FAM117A: variants seen among roughly 807,000 people sequenced by gnomAD.
The protein encoded by FAM117A is protein FAM117A.
In FAM117A, 21 loss-of-function variants were observed where a neutral mutation model predicts 44.1. The ratio of observed to expected loss-of-function variants is 0.48; its 90% CI spans 0.34 to 0.69. FAM117A has a LOEUF of 0.69. Among genes scored for constraint, FAM117A ranks in the 30% least tolerant of loss-of-function variants. The pLI is 0.01. For synonymous variants in FAM117A, 220 were observed against 238.3 expected (o/e 0.92, Z 0.71); for missense variants, 498 against 589.9 (o/e 0.84, Z 1.61).
chr17:49,754,708 A>G (rs1252501659), intron 1 of FAM117A, among the ~76,000 whole-genome samples: 1 of 151,598 alleles, frequency 6.6e-6, no homozygotes, highest in Non-Finnish European at 1.5e-5. Context: ...TCACATTTTC[A>G]CTCTGTTCAA....
chr17:49,786,533 TTGGGAGGCTGAGGCGGG>T lies in FAM117A; in HGVS notation c.-621+1947_-621+1963del, dbSNP rs2073806359. Among the ~76,000 whole-genome samples, 3 of 151,904 alleles carry T rather than the reference TTGGGAGGCTGAGGCGGG, an allele frequency of 2.0e-5. No homozygotes were observed. The South Asian group carries it at 6.2e-4, about 32-fold the overall frequency. On this transcript the variant is annotated intron_variant, in intron 1 of 7. Transcript: ENST00000513602. Reference sequence around the variant, plus strand: ...GGCTCACACCTGTAATCCCAGCACTTTGGGAGGCTGAGGCGGGTGGATCACCTGAGGTCAGGAGTTCA... The same window carrying T: ...GGCTCACACCTGTAATCCCAGCACTTTGGATCACCTGAGGTCAGGAGTTCA...
chr17:49,754,593 C>T (rs1598031927), intron 1 of FAM117A, among the ~76,000 whole-genome samples: 1 of 151,848 alleles, frequency 6.6e-6, no homozygotes, highest in Non-Finnish European at 1.5e-5. Context: ...CGTGAGCCAC[C>T]GTGCCCGGCC....
chr17:49,754,298 A>C (rs1304690137), intron 1 of FAM117A, among the ~76,000 whole-genome samples: 1 of 150,358 alleles, frequency 6.7e-6, no homozygotes, highest in Admixed American at 6.6e-5. Context: ...TGCACAGAGC[A>C]CAGCAAACTC....
At chr17:49,774,519 C>T (rs866928838) in intron 1 of FAM117A, among the ~76,000 whole-genome samples, 1 of 152,078 alleles carries the variant, frequency 6.6e-6, no homozygotes, top group African/African-American at 2.4e-5. Context: ...ACCATCATGC[C>T]CAGCTAATTT....
chr17:49,747,719 T>C (rs1192337241), intron 1 of FAM117A, among the ~76,000 whole-genome samples: 1 of 152,108 alleles, frequency 6.6e-6, no homozygotes. Flanking sequence ...CAACATCCCA[T>C]CTAGTGGTTC....
At chr17:49,717,785 G>C in intron 5 of FAM117A, 71 bp from the exon 6 acceptor site, 1 of 1,287,808 alleles carries the variant, frequency 7.8e-7, no homozygotes, top group South Asian at 1.5e-5. Flanking sequence ...GTGACCCCAA[G>C]GGTATTTCCC....
chr17:49,782,376 CAAAAAAAAA>C (rs1193854249), intron 1 of FAM117A, among the ~76,000 whole-genome samples: 1 of 18,102 alleles, frequency 5.5e-5, no homozygotes, highest in Non-Finnish European at 1.1e-4. Context: ...GACTCCGTCT[CAAAAAAAAA>C]AAAAAAAAAA....
intron 2 of FAM117A, among the ~76,000 whole-genome samples, chr17:49,723,244 A>T (rs2073543733): frequency 6.6e-6 from 1 of 152,068 alleles, no homozygotes; most frequent in Admixed American, 6.5e-5. Flanking sequence ...CACAGTTCTG[A>T]ATCCAGCCCT....
rs531408927 is a variant in FAM117A, at chr17:49,745,306, T to C, written c.197-12586A>G. On this transcript the variant is annotated intron_variant, in intron 1 of 7. Coordinates refer to ENST00000240364, the MANE Select transcript of FAM117A (RefSeq NM_030802.4). The stretch of plus-strand genomic sequence containing the variant: ...TCATGTCAACACTCACATCTATTAG[T>C]GTTAATTCAGAACTGGCTTTATGCA... Among the ~76,000 whole-genome samples the C allele has an allele frequency of 4.6e-5, 7 of 152,324 alleles. No homozygotes were observed. In the East Asian group the frequency reaches 1.2e-3, roughly 25 times the overall value.
chr17:49,716,444 A>C (rs2073503976), intron 6 of FAM117A, 129 bp from the exon 7 acceptor site: 1 of 732,268 alleles, frequency 1.4e-6, no homozygotes, highest in African/African-American at 1.8e-5. Flanking sequence ...GGGTGTGCTT[A>C]TCCAGTGTGA....
At chr17:49,750,917 A>T (rs1468628251) in intron 1 of FAM117A, among the ~76,000 whole-genome samples, 1 of 152,244 alleles carries the variant, frequency 6.6e-6, no homozygotes, top group East Asian at 1.9e-4. Flanking sequence ...CAGCTTTATC[A>T]TACAGAAGCA....
intron 1 of FAM117A, among the ~76,000 whole-genome samples, chr17:49,787,646 T>A (rs903690994): frequency 1.3e-5 from 2 of 152,250 alleles, no homozygotes; most frequent in Non-Finnish European, 2.9e-5. Context: ...CCAGTCGCAA[T>A]TGGTCAAGAC....
chr17:49,761,028 A>G (rs2073720621), intron 1 of FAM117A, among the ~76,000 whole-genome samples: 1 of 152,192 alleles, frequency 6.6e-6, no homozygotes, highest in African/African-American at 2.4e-5. Context: ...ATGGTTGCAG[A>G]AGGCAAATCC....
intron 1 of FAM117A, among the ~76,000 whole-genome samples, chr17:49,740,081 T>C (rs1344540902): frequency 3.3e-5 from 5 of 152,182 alleles, no homozygotes; most frequent in African/African-American, 1.2e-4. Flanking sequence ...TACACTAGGA[T>C]GGCTTTAGAG....
intron 5 of FAM117A, among the ~76,000 whole-genome samples, chr17:49,719,064 C>A (rs901986798): frequency 1.3e-5 from 2 of 151,664 alleles, no homozygotes. Context: ...GAGTTCAAGA[C>A]CAGCCTGGCA....
upstream of FAM117A, chr17:49,788,990 A>G (rs2073846004): frequency 2.8e-6 from 2 of 706,652 alleles, no homozygotes; most frequent in Admixed American, 4.0e-5. Flanking sequence ...TCTTCTGTCC[A>G]TACCCAACAG....
chr17:49,773,734 T>G (rs1162145835), intron 1 of FAM117A, among the ~76,000 whole-genome samples: 1 of 152,058 alleles, frequency 6.6e-6, no homozygotes, highest in Non-Finnish European at 1.5e-5. Flanking sequence ...CCCATAATAA[T>G]TTTGTAGTAG....
chr17:49,715,338 C>A (rs1015814399), intron 7 of FAM117A, among the ~76,000 whole-genome samples: 1 of 152,318 alleles, frequency 6.6e-6, no homozygotes, highest in South Asian at 2.1e-4. Flanking sequence ...ATGGTGCTCT[C>A]AATGACCCAA....
intron 7 of FAM117A, 104 bp downstream of exon 7, chr17:49,716,061 A>C: frequency 7.7e-7 from 1 of 1,297,760 alleles, no homozygotes; most frequent in Non-Finnish European, 1.1e-6. Context: ...TTATCATCTA[A>C]AGTTGACAAC....
Sources: allele counts gnomAD v4.1 joint callset (sites outside exome capture counted in the v4.1 genomes callset), GRCh38; gene constraint gnomAD v4.1.1; transcripts MANE v1.5; gene names NCBI Gene and HGNC (gene_info 2026-07-23, HGNC 2026-07-21).